The following AGBL4 variants were observed in gnomAD, a reference collection of about 807,000 sequenced individuals.
AGBL4 encodes the protein cytosolic carboxypeptidase 6.
A neutral mutation model predicts 66.4 loss-of-function variants in AGBL4; 58 were observed. The ratio of observed to expected loss-of-function variants is 0.87; its 90% CI spans 0.71 to 1.09. The LOEUF (loss-of-function observed/expected upper bound fraction) is 1.09. AGBL4 is among the 50% of genes least tolerant of loss of function. The probability of loss-of-function intolerance (pLI) is 0.00; values close to 1 mark genes in which losing one functional copy is unlikely to be tolerated. For missense variants in AGBL4, 579 were observed against 631.0 expected, an observed-to-expected ratio of 0.92 and a Z score of 0.88; for synonymous variants, 234 against 222.9, an observed-to-expected ratio of 1.05 and a Z score of -0.44.
intron 9 of AGBL4, among the ~76,000 whole-genome samples, chr1:48,617,274 G>A (rs1645334987): frequency 6.6e-6 from 1 of 152,158 alleles, no homozygotes; most frequent in Non-Finnish European, 1.5e-5. Context: ...GCAGCAAAAT[G>A]AGACATTTTG....
intron 6 of AGBL4, among the ~76,000 whole-genome samples, chr1:48,846,358 GAAAGAAGAAAGAAAGA>G (rs1558035880): frequency 7.5e-6 from 1 of 133,206 alleles, no homozygotes; most frequent in African/African-American, 2.9e-5. Flanking sequence ...AAAGGAGAAA[GAAAGAAGAAAGAAAGA>G]AAGAAAGAAA....
At chr1:49,842,002 G>A in intron 2 of AGBL4, 1 of 456,484 alleles carries the variant, frequency 2.2e-6, no homozygotes, top group South Asian at 2.2e-5. Context: ...CTCACACCCG[G>A]CCTCCTCTTT....
intron 4 of AGBL4, among the ~76,000 whole-genome samples, chr1:49,097,351 A>G (rs1173283014): frequency 1.3e-5 from 2 of 152,204 alleles, no homozygotes; most frequent in African/African-American, 4.8e-5. Context: ...AGGGCTTCTG[A>G]GATAATGGTG....
intron 3 of AGBL4, among the ~76,000 whole-genome samples, chr1:49,284,312 A>C (rs926058873): frequency 2.0e-5 from 3 of 152,176 alleles, no homozygotes; most frequent in Non-Finnish European, 4.4e-5. Context: ...CTTTACAGAC[A>C]AGCAAATGCT....
chr1:49,039,359 C>T (rs1173269919), intron 5 of AGBL4, among the ~76,000 whole-genome samples: 6 of 152,050 alleles, frequency 3.9e-5, no homozygotes, highest in Admixed American at 2.6e-4. Flanking sequence ...GATGTGTCAA[C>T]GTAAGTTCAT....
rs539502942 is a variant in AGBL4, at chr1:49,912,323, T to G, written c.35-60805A>C. Among the ~76,000 whole-genome samples, 9 of 152,302 alleles carry G rather than the reference T, an allele frequency of 5.9e-5. No individual in the cohort carries two copies. In the East Asian group the frequency reaches 1.7e-3, roughly 29 times the overall value. On this transcript the variant is annotated intron_variant, in intron 1 of 13. Coordinates refer to ENST00000371839, the MANE Select transcript of AGBL4 (RefSeq NM_032785.4). ...TCAGCTCCAGTCCCTTCCACTGCAG[T>G]TGGGGAGCTATCCCATCTGTGATCT...
At chr1:49,399,618 T>A (rs1645042023) in intron 3 of AGBL4, among the ~76,000 whole-genome samples, 2 of 152,152 alleles carry the variant, frequency 1.3e-5, no homozygotes, top group Non-Finnish European at 2.9e-5. Flanking sequence ...TCTTTTCATA[T>A]AACTTTTTTC....
intron 4 of AGBL4, among the ~76,000 whole-genome samples, chr1:49,121,087 A>T (rs1645643709): frequency 6.6e-6 from 1 of 152,074 alleles, no homozygotes; most frequent in Non-Finnish European, 1.5e-5. Flanking sequence ...TATACTGTTT[A>T]TTCTAATTAG....
At chr1:49,369,856 G>T (rs1240822704) in intron 3 of AGBL4, among the ~76,000 whole-genome samples, 1 of 151,862 alleles carries the variant, frequency 6.6e-6, no homozygotes, top group Non-Finnish European at 1.5e-5. Context: ...TTACATTGGT[G>T]AACTTTAGAT....
intron 4 of AGBL4, among the ~76,000 whole-genome samples, chr1:49,176,529 TC>T (rs1301318273): frequency 2.0e-5 from 3 of 152,096 alleles, no homozygotes; most frequent in African/African-American, 7.2e-5. Flanking sequence ...AAATAGTATC[TC>T]AATTGCTCTT....
intron 6 of AGBL4, among the ~76,000 whole-genome samples, chr1:48,810,998 C>T (rs779150894): frequency 6.6e-6 from 1 of 152,124 alleles, no homozygotes; most frequent in African/African-American, 2.4e-5. Context: ...ACTGATCCTG[C>T]GTGGAGGCCT....
At chr1:49,309,639 T>A (rs979670199) in intron 3 of AGBL4, among the ~76,000 whole-genome samples, 6 of 152,000 alleles carry the variant, frequency 3.9e-5, no homozygotes, top group Non-Finnish European at 8.8e-5. Context: ...TGCATGTGTA[T>A]GTACTGTAAG....
intron 1 of AGBL4, among the ~76,000 whole-genome samples, chr1:49,937,201 T>G (rs1224379956): frequency 1.3e-5 from 2 of 151,910 alleles, no homozygotes; most frequent in Non-Finnish European, 2.9e-5. Flanking sequence ...TAGTCTCTGA[T>G]AAAACAGACA....
chr1:49,238,863 T>C (rs1388342891), intron 4 of AGBL4, among the ~76,000 whole-genome samples: 1 of 152,186 alleles, frequency 6.6e-6, no homozygotes, highest in African/African-American at 2.4e-5. Context: ...TATTTTGGCA[T>C]ACATGTGGCA....
At chr1:49,653,091 G>C (rs534181738) in intron 3 of AGBL4, among the ~76,000 whole-genome samples, 2 of 152,224 alleles carry the variant, frequency 1.3e-5, no homozygotes, top group South Asian at 4.1e-4. Context: ...GACCCTCTGA[G>C]ACAGAGCTCC....
In AGBL4 at chr1:49,439,704, G is replaced by A. The variant is rs540171329; in HGVS notation, c.283-193840C>T. Among the ~76,000 whole-genome samples the A allele has an allele frequency of 4.0e-3, 609 of 152,256 alleles. 2 individuals carry two copies. The highest frequency in any genetic ancestry group is 6.0e-3 in the Non-Finnish European group (406 of 68,014). On this transcript the variant is annotated intron_variant, in intron 3 of 13. Transcript: ENST00000371839. ...TAGAATATAAAGCAGGCAGAAAAACGTGAAAAGAATAGACTGGCCTAGCCT... is the reference window on the plus strand; with the variant it reads ...TAGAATATAAAGCAGGCAGAAAAACATGAAAAGAATAGACTGGCCTAGCCT...
At position 49,201,902 on chromosome 1, in the gene AGBL4, C is replaced by A. The variant is rs541737315; in HGVS notation, c.377+43868G>T. Among the ~76,000 whole-genome samples, 6 of 151,904 alleles carry A rather than the reference C, an allele frequency of 3.9e-5. No individual in the cohort carries two copies. The South Asian group carries it at 1.0e-3, about 26-fold the overall frequency. Reference sequence around the variant, plus strand: ...GCCAGAAAGAGAGCACATGTATATACGAAATGAGTGTGGGAGAGATGGAAA... The same window carrying A: ...GCCAGAAAGAGAGCACATGTATATAAGAAATGAGTGTGGGAGAGATGGAAA... On this transcript the variant is annotated intron_variant, in intron 4 of 13. Coordinates refer to ENST00000371839, the MANE Select transcript of AGBL4 (RefSeq NM_032785.4).
intron 3 of AGBL4, among the ~76,000 whole-genome samples, chr1:49,646,789 A>G (rs1276525482): frequency 6.6e-6 from 1 of 152,042 alleles, no homozygotes; most frequent in Non-Finnish European, 1.5e-5. Flanking sequence ...CAGTCCTACA[A>G]TATTCAAAGC....
At chr1:49,863,152 C>T (rs2148090226) in intron 1 of AGBL4, among the ~76,000 whole-genome samples, 1 of 152,200 alleles carries the variant, frequency 6.6e-6, no homozygotes, top group Middle Eastern at 3.4e-3. Flanking sequence ...ACAGTGAACC[C>T]ATTTTTGACA....
Sources: allele counts gnomAD v4.1 joint callset (sites outside exome capture counted in the v4.1 genomes callset), GRCh38; gene constraint gnomAD v4.1.1; transcripts MANE v1.5; gene names NCBI Gene and HGNC (gene_info 2026-07-23, HGNC 2026-07-21).